Variants in GABRB1 observed in about 807,000 individuals in gnomAD.
The protein encoded by GABRB1 is gamma-aminobutyric acid receptor subunit beta-1.
Under a neutral mutation model 51.6 loss-of-function variants are expected in GABRB1, and 17 were observed. That is an observed-to-expected ratio of 0.33 (90% confidence interval 0.23 to 0.49). The LOEUF (loss-of-function observed/expected upper bound fraction) is 0.49. GABRB1 is among the 20% of genes least tolerant of loss of function. The pLI, the probability that GABRB1 is intolerant of heterozygous loss-of-function variation, is 0.99. For synonymous variants in GABRB1, 247 were observed against 218.9 expected (o/e 1.13, Z -1.14); for missense variants, 410 against 600.6 (o/e 0.68, Z 3.32).
intron 5 of GABRB1, among the ~76,000 whole-genome samples, chr4:47,337,337 A>G (rs558693729): frequency 5.6e-4 from 85 of 152,246 alleles, no homozygotes; most frequent in Non-Finnish European, 1.1e-3. Context: ...GACTTCAGAG[A>G]GCTGGTGGAT....
chr4:47,060,340 G>A lies in GABRB1; in HGVS notation c.240+27856G>A, dbSNP rs563707575. Among the ~76,000 whole-genome samples the A allele has an allele frequency of 3.9e-5, 6 of 152,246 alleles. No individual in the cohort carries two copies. The South Asian group carries it at 1.2e-3, about 32-fold the overall frequency. On this transcript the variant is annotated intron_variant, in intron 3 of 8. Transcript: ENST00000295454. ...TTACCATCATATCCTGAATGACATA[G>A]TAAGTAAAGAGGTGTCATATGCAAG... is the stretch of plus-strand genomic sequence containing the variant.
intron 5 of GABRB1, among the ~76,000 whole-genome samples, chr4:47,379,348 T>C (rs1727512098): frequency 6.6e-6 from 1 of 152,194 alleles, no homozygotes; most frequent in Non-Finnish European, 1.5e-5. Context: ...TGAGTACCAA[T>C]ACAGCCATTC....
intron 4 of GABRB1, among the ~76,000 whole-genome samples, chr4:47,205,079 C>G (rs529142751): frequency 3.3e-5 from 5 of 152,074 alleles, no homozygotes; most frequent in Non-Finnish European, 5.9e-5. Flanking sequence ...TGTATAGAGT[C>G]ACACAGAGGC....
chr4:47,422,458 T>C (rs1027565576), intron 8 of GABRB1, among the ~76,000 whole-genome samples: 2 of 152,212 alleles, frequency 1.3e-5, no homozygotes, highest in Non-Finnish European at 2.9e-5. Context: ...CAGGTTCTGC[T>C]TCAGCTCTTA....
At chr4:47,032,571 G>C (rs1191264464) in intron 3 of GABRB1, 87 bp downstream of exon 3, 1 of 1,313,640 alleles carries the variant, frequency 7.6e-7, no homozygotes, top group Admixed American at 1.7e-5. Flanking sequence ...TTCATTGGCG[G>C]TCACCTCGCC....
At chr4:47,301,986 A>G (rs1269132713) in intron 4 of GABRB1, among the ~76,000 whole-genome samples, 1 of 152,034 alleles carries the variant, frequency 6.6e-6, no homozygotes, top group African/African-American at 2.4e-5. Flanking sequence ...ATCTTTCACA[A>G]TTTTTTTTCC....
At chr4:47,271,060 AAAGTT>A (rs754198478) in intron 4 of GABRB1, among the ~76,000 whole-genome samples, 8 of 152,176 alleles carry the variant, frequency 5.3e-5, no homozygotes, top group Non-Finnish European at 8.8e-5. Context: ...AATATAAAAT[AAAGTT>A]ATCTCTGATA....
At chr4:47,123,410 A>G (rs1221909210) in intron 3 of GABRB1, among the ~76,000 whole-genome samples, 2 of 120,672 alleles carry the variant, frequency 1.7e-5, no homozygotes, top group Non-Finnish European at 3.2e-5. Flanking sequence ...ATATACATAT[A>G]TACACATATA....
intron 3 of GABRB1, among the ~76,000 whole-genome samples, chr4:47,060,667 A>ATTCCAC (rs1726810722): frequency 6.6e-6 from 1 of 152,178 alleles, no homozygotes; most frequent in African/African-American, 2.4e-5. Flanking sequence ...CCTTGTGAAT[A>ATTCCAC]TTCCACTTCA....
At chr4:47,324,206 A>G (rs1725174357) in intron 5 of GABRB1, among the ~76,000 whole-genome samples, 1 of 152,094 alleles carries the variant, frequency 6.6e-6, no homozygotes, top group African/African-American at 2.4e-5. Flanking sequence ...AAACTTTCTT[A>G]TTCTTCACCA....
At chr4:47,246,227 G>A (rs958019967) in intron 4 of GABRB1, among the ~76,000 whole-genome samples, 1 of 138,942 alleles carries the variant, frequency 7.2e-6, no homozygotes, top group Admixed American at 7.4e-5. Context: ...CATCCAGGTT[G>A]CTGTGAATGG....
chr4:47,049,915 A>G (rs1726270546), intron 3 of GABRB1, among the ~76,000 whole-genome samples: 1 of 152,224 alleles, frequency 6.6e-6, no homozygotes. Flanking sequence ...CTGCCATTAC[A>G]GACTTTCACA....
chr4:47,419,027 C>T (rs953573283), intron 8 of GABRB1, among the ~76,000 whole-genome samples: 2 of 152,086 alleles, frequency 1.3e-5, no homozygotes, highest in East Asian at 3.8e-4. Flanking sequence ...AAGATATATA[C>T]AGCTCTCTTT....
intron 1 of GABRB1, among the ~76,000 whole-genome samples, chr4:47,025,658 T>C (rs1372381482): frequency 1.3e-5 from 2 of 151,996 alleles, no homozygotes; most frequent in Non-Finnish European, 1.5e-5. Flanking sequence ...AATGTTCTTA[T>C]CTCAGTTAAT....
At chr4:47,143,226 T>A (rs1383432051) in intron 3 of GABRB1, among the ~76,000 whole-genome samples, 4 of 151,820 alleles carry the variant, frequency 2.6e-5, no homozygotes, top group Non-Finnish European at 4.4e-5. Context: ...GCTGAGGGTA[T>A]CATCAAAAAG....
intron 4 of GABRB1, among the ~76,000 whole-genome samples, chr4:47,307,880 G>T (rs1724527239): frequency 6.6e-6 from 1 of 151,734 alleles, no homozygotes; most frequent in African/African-American, 2.4e-5. Context: ...AATCACAAAA[G>T]TACCATTTTT....
intron 3 of GABRB1, among the ~76,000 whole-genome samples, chr4:47,146,103 C>A (rs1355841735): frequency 2.6e-5 from 4 of 152,042 alleles, no homozygotes; most frequent in Non-Finnish European, 5.9e-5. Flanking sequence ...GCAGGTATCA[C>A]TTTAGCGGTC....
At chr4:47,184,616 AC>A (rs1380630661) in intron 4 of GABRB1, among the ~76,000 whole-genome samples, 85 of 151,984 alleles carry the variant, frequency 5.6e-4, no homozygotes, top group Non-Finnish European at 1.6e-4. Flanking sequence ...CTGTGGTTGT[AC>A]CCCCATGAGC....
chr4:47,231,869 A>T (rs2109836406), intron 4 of GABRB1, among the ~76,000 whole-genome samples: 1 of 152,276 alleles, frequency 6.6e-6, no homozygotes. Context: ...TTCCAATAAA[A>T]ATTGTCCATG....
Sources: gnomAD v4.1 joint callset for allele counts (sites outside exome capture counted in the v4.1 genomes callset) on GRCh38, gnomAD v4.1.1 for gene constraint, MANE v1.5 for transcripts, NCBI Gene and HGNC (gene_info 2026-07-23, HGNC 2026-07-21) for gene names.